HRH1: variants seen among roughly 807,000 people sequenced by gnomAD.
The protein encoded by HRH1 is histamine receptor H1, also known as histamine H1 receptor.
In HRH1, 6 loss-of-function variants were observed where a neutral mutation model predicts 10.3. The observed-to-expected ratio is 0.58, with a 90% CI of 0.32 to 1.15. HRH1 has a LOEUF of 1.15. HRH1 is among the 50% of genes most tolerant of loss of function. HRH1 has a pLI of 0.05. For missense variants in HRH1, 514 were observed against 615.3 expected (o/e 0.84, Z 1.74); for synonymous variants, 242 against 236.7 (o/e 1.02, Z -0.21).
intron 1 of HRH1, among the ~76,000 whole-genome samples, chr3:11,237,790 C>T (rs1559281809): frequency 6.6e-6 from 1 of 151,158 alleles, no homozygotes; most frequent in Non-Finnish European, 1.5e-5. Context: ...ATTCTCCTGC[C>T]TCAGCCTCCC....
At chr3:11,177,527 C>T (rs1340204878) in intron 1 of HRH1, among the ~76,000 whole-genome samples, 1 of 152,196 alleles carries the variant, frequency 6.6e-6, no homozygotes, top group African/African-American at 2.4e-5. Context: ...GGAGTGTCCT[C>T]CACTCTGGGC....
chr3:11,149,786 T>C (rs551942362), upstream of HRH1, among the ~76,000 whole-genome samples: 1 of 152,316 alleles, frequency 6.6e-6, no homozygotes, highest in Non-Finnish European at 1.5e-5. Context: ...TATATGAACG[T>C]TCACTAAAGC....
intron 1 of HRH1, among the ~76,000 whole-genome samples, chr3:11,137,850 T>C (rs1200820592): frequency 6.6e-6 from 1 of 152,114 alleles, no homozygotes; most frequent in Non-Finnish European, 1.5e-5. Flanking sequence ...CACTTTCTTT[T>C]GTTATGGCGG....
At chr3:11,173,356 G>A (rs1474979520) in intron 1 of HRH1, among the ~76,000 whole-genome samples, 1 of 151,358 alleles carries the variant, frequency 6.6e-6, no homozygotes, top group Non-Finnish European at 1.5e-5. Context: ...TCAAGAAAGG[G>A]TAGCTGTCAA....
chr3:11,261,072 C>T lies in HRH1; in HGVS notation c.*571C>T, dbSNP rs1575051039. ...GGCTATCCCTTCTCAGAAAACTTCTCTTCTGAGCCTCTTTAACAGCTTTCT... is the reference window on the plus strand; with the variant it reads ...GGCTATCCCTTCTCAGAAAACTTCTTTTCTGAGCCTCTTTAACAGCTTTCT... On this transcript the variant is annotated 3_prime_UTR_variant, in exon 2 of 2. Coordinates refer to ENST00000431010, the MANE Select transcript of HRH1 (RefSeq NM_001098212.2). 6.0e-6 allele frequency: 1 copy of T among 167,340 alleles called. No individual in the cohort carries two copies. The highest frequency in any genetic ancestry group is 1.9e-4 in the East Asian group (1 of 5,186). 10.4% of individuals were successfully genotyped at this position (167,340 alleles called of 1,614,324 possible).
chr3:11,192,028 T>C (rs1194210528), intron 1 of HRH1, among the ~76,000 whole-genome samples: 1 of 152,180 alleles, frequency 6.6e-6, no homozygotes, highest in Admixed American at 6.5e-5. Context: ...GAGCCCCCTG[T>C]CCCCTTGGGT....
In HRH1 at chr3:11,258,989, C is replaced by T. The variant is rs1376404959; in HGVS notation, c.-35-14C>T. On this transcript the variant is annotated splice_polypyrimidine_tract_variant and intron_variant, in intron 1 of 1. Coordinates refer to ENST00000431010, the MANE Select transcript of HRH1 (RefSeq NM_001098212.2). Reference sequence around the variant, plus strand: ...CCAAGTCTCTGACCTTACTTTTTCTCTCTTTTCTCCCAGGGAGTGAGCCAT... The same window carrying T: ...CCAAGTCTCTGACCTTACTTTTTCTTTCTTTTCTCCCAGGGAGTGAGCCAT... The T allele has an allele frequency of 3.3e-6, 5 of 1,529,284 alleles. No individual in the cohort carries two copies. In the South Asian group the frequency reaches 5.2e-5, roughly 16 times the overall value. 94.7% of individuals were successfully genotyped at this position (1,529,284 alleles called of 1,614,324 possible). A position where few individuals can be genotyped will look rare whatever the true frequency, so the allele number is the denominator to read the frequency against.
intron 1 of HRH1, among the ~76,000 whole-genome samples, chr3:11,197,780 A>T (rs1937721765): frequency 6.6e-6 from 1 of 152,138 alleles, no homozygotes; most frequent in Admixed American, 6.6e-5. Context: ...TGAAGGAAAA[A>T]AACAGCTCAT....
In HRH1 at chr3:11,177,887, T is replaced by C. The variant is rs568660603; in HGVS notation, c.-36+23333T>C. Among the ~76,000 whole-genome samples, 15 of 152,324 alleles carry C rather than the reference T, an allele frequency of 9.8e-5. No homozygotes were observed. The East Asian group carries it at 2.7e-3, about 27-fold the overall frequency. Reference sequence around the variant, plus strand: ...CTCTCTCCAAACAGCAGATTCTCACTTGGCACAAAGGCAGGAGTCAGAGTG... The same window carrying C: ...CTCTCTCCAAACAGCAGATTCTCACCTGGCACAAAGGCAGGAGTCAGAGTG... On this transcript the variant is annotated intron_variant, in intron 1 of 1. Coordinates refer to ENST00000431010, the MANE Select transcript of HRH1 (RefSeq NM_001098212.2).
chr3:11,237,584 G>A (rs926890467), intron 1 of HRH1, among the ~76,000 whole-genome samples: 1 of 140,302 alleles, frequency 7.1e-6, no homozygotes, highest in African/African-American at 2.5e-5. Context: ...AGGATTAAAC[G>A]ATTGAGGATT....
At chr3:11,187,092 T>C (rs73117697) in intron 1 of HRH1, among the ~76,000 whole-genome samples, 2,474 of 152,306 alleles carry the variant, frequency 0.016, 66 homozygotes, top group African/African-American at 0.057. Flanking sequence ...GACCTTCCCT[T>C]TCCCAAGCCT....
chr3:11,176,361 C>T (rs1937248956), intron 1 of HRH1, among the ~76,000 whole-genome samples: 3 of 152,056 alleles, frequency 2.0e-5, no homozygotes, highest in Admixed American at 2.0e-4. Flanking sequence ...CCAGTTGTGC[C>T]CCCCATATCA....
At chr3:11,151,577 A>G (rs1014984822), upstream of HRH1, among the ~76,000 whole-genome samples, 10 of 152,288 alleles carry the variant, frequency 6.6e-5, no homozygotes, top group Admixed American at 4.6e-4. Flanking sequence ...AGCTCACTGC[A>G]GCCTTGATCC....
chr3:11,225,712 G>C (rs1025999688), intron 1 of HRH1, among the ~76,000 whole-genome samples: 13 of 152,230 alleles, frequency 8.5e-5, no homozygotes, highest in African/African-American at 2.9e-4. Context: ...TTGAGACGGA[G>C]TCTCGCTCTG....
At chr3:11,212,407 T>C (rs1226875566) in intron 1 of HRH1, among the ~76,000 whole-genome samples, 1 of 152,200 alleles carries the variant, frequency 6.6e-6, no homozygotes, top group Non-Finnish European at 1.5e-5. Flanking sequence ...TCACTGCCTC[T>C]TGTTAGCAAA....
At chr3:11,215,692 C>T (rs55748939) in intron 1 of HRH1, among the ~76,000 whole-genome samples, 33,747 of 152,188 alleles carry the variant, frequency 0.22, 3,808 homozygotes, top group South Asian at 0.35. Flanking sequence ...CCGCCCGCCT[C>T]GGCCTCTCAG....
At chr3:11,217,529 A>C (rs1480244820) in intron 1 of HRH1, among the ~76,000 whole-genome samples, 1 of 151,492 alleles carries the variant, frequency 6.6e-6, no homozygotes, top group Non-Finnish European at 1.5e-5. Flanking sequence ...ACTTGGTCTC[A>C]AAAAAAAAGA....
intron 1 of HRH1, among the ~76,000 whole-genome samples, chr3:11,146,394 T>G (rs1288142792): frequency 6.6e-6 from 1 of 152,082 alleles, no homozygotes; most frequent in Non-Finnish European, 1.5e-5. Flanking sequence ...AAAACCAGAG[T>G]CTTTTCCAGG....
At chr3:11,258,846 G>C (rs975944491) in intron 1 of HRH1, among the ~76,000 whole-genome samples, 157 bp from the exon 2 acceptor site, 11 of 152,168 alleles carry the variant, frequency 7.2e-5, no homozygotes, top group African/African-American at 2.2e-4. Flanking sequence ...GCAAATGAAT[G>C]CATGAATAAG....
Sources: gnomAD v4.1 joint callset for allele counts (sites outside exome capture counted in the v4.1 genomes callset) on GRCh38, gnomAD v4.1.1 for gene constraint, MANE v1.5 for transcripts, NCBI Gene and HGNC (gene_info 2026-07-23, HGNC 2026-07-21) for gene names.